Variants in KANK1 observed in about 807,000 individuals in gnomAD.
The protein encoded by KANK1 is KN motif and ankyrin repeat domains 1.
Under a neutral mutation model 106.2 loss-of-function variants are expected in KANK1, and 109 were observed. The ratio of observed to expected loss-of-function variants is 1.03; its 90% CI spans 0.88 to 1.20. The LOEUF is 1.20. KANK1 is among the 50% of genes most tolerant of loss of function. The pLI is 0.00. For synonymous variants in KANK1, 873 were observed against 652.2 expected, an observed-to-expected ratio of 1.34 and a Z score of -5.16; for missense variants, 2,399 against 1,710.7, an observed-to-expected ratio of 1.40 and a Z score of -7.10.
At chr9:734,665 C>T in intron 6 of KANK1, 83 bp from the exon 7 acceptor site, 2 of 916,640 alleles carry the variant, frequency 2.2e-6, no homozygotes, top group Non-Finnish European at 3.3e-6. Flanking sequence ...GACCCTGTCT[C>T]AAAAAAAAAA....
At chr9:655,593 C>G (rs1479493930) in intron 1 of KANK1, among the ~76,000 whole-genome samples, 1 of 152,124 alleles carries the variant, frequency 6.6e-6, no homozygotes, top group East Asian at 1.9e-4. Context: ...TTTTTTAAAT[C>G]AAGTCAGGCA....
At chr9:487,584 T>A (rs1375942527) in intron 3 of KANK1, among the ~76,000 whole-genome samples, 1 of 152,234 alleles carries the variant, frequency 6.6e-6, no homozygotes, top group East Asian at 1.9e-4. Flanking sequence ...TACTTGGGAT[T>A]GACTTGGCTC....
intron 7 of KANK1, among the ~76,000 whole-genome samples, chr9:735,298 G>A (rs562929079): frequency 6.6e-6 from 1 of 152,180 alleles, no homozygotes; most frequent in Non-Finnish European, 1.5e-5. Context: ...GATGTGGAAT[G>A]CAGGCGGCCA....
intron 9 of KANK1, 110 bp from the exon 10 acceptor site, chr9:742,095 T>C (rs1835741974): frequency 1.1e-6 from 1 of 938,810 alleles, no homozygotes. Context: ...TCGCCAGTTC[T>C]TTCCCTTCTG....
chr9:731,192 C>A lies in KANK1; in HGVS notation c.2931C>A (p.Ile977=). The A allele has an allele frequency of 1.2e-6, 2 of 1,611,720 alleles. No homozygotes were observed. Among genetic ancestry groups the A allele is most frequent in the South Asian group, 2.2e-5 (2 of 90,878 alleles). The change falls in exon 5 of 12, where the codon ATC becomes ATA. Residue 977 remains isoleucine, a synonymous_variant. Transcript: ENST00000382297. ...ACAATGAAAGTACACTGAAGTCCAT[C>A]ATGAAGAAGAAAGATGGTAACAAAG... is the stretch of plus-strand genomic sequence containing the variant. ...CTNNESTLKS[I]MKKKDGNKDS... is the part of the protein sequence containing the mutation.
chr9:504,309 G>C (rs980903217), upstream of KANK1, among the ~76,000 whole-genome samples: 1 of 151,734 alleles, frequency 6.6e-6, no homozygotes, highest in Admixed American at 6.6e-5. Flanking sequence ...GGTGGAGGAA[G>C]TTCTTCTGCT....
At chr9:497,100 C>G (rs2058468574) in intron 3 of KANK1, among the ~76,000 whole-genome samples, 1 of 152,014 alleles carries the variant, frequency 6.6e-6, no homozygotes. Context: ...GCAAATGAAC[C>G]AATGTGTCCT....
intron 1 of KANK1, among the ~76,000 whole-genome samples, chr9:655,208 A>G (rs1050591006): frequency 6.6e-6 from 1 of 152,072 alleles, no homozygotes; most frequent in Non-Finnish European, 1.5e-5. Flanking sequence ...CGTCTCTACT[A>G]AAAATACAAG....
intron 6 of KANK1, chr9:734,125 A>AAAAAC (rs1554716919): frequency 2.6e-5 from 4 of 151,146 alleles, no homozygotes; most frequent in African/African-American, 9.8e-5. Flanking sequence ...AAAAAAAAAA[A>AAAAAC]AAAAAAAACT....
intron 1 of KANK1, among the ~76,000 whole-genome samples, chr9:578,570 T>A (rs986676435): frequency 5.9e-5 from 9 of 152,104 alleles, no homozygotes; most frequent in Non-Finnish European, 2.9e-5. Context: ...ATCATCATAG[T>A]TTAGGAGTAT....
chr9:616,817 G>A (rs955065236), intron 1 of KANK1, among the ~76,000 whole-genome samples: 1 of 152,146 alleles, frequency 6.6e-6, no homozygotes, highest in Non-Finnish European at 1.5e-5. Context: ...GCAGAGGAAG[G>A]AAAGAAAGCA....
intron 2 of KANK1, among the ~76,000 whole-genome samples, chr9:700,707 A>C (rs1389162689): frequency 6.6e-6 from 1 of 152,214 alleles, no homozygotes; most frequent in Non-Finnish European, 1.5e-5. Flanking sequence ...GGGGACAATA[A>C]CATTAATGGG....
intron 1 of KANK1, among the ~76,000 whole-genome samples, chr9:550,202 G>A (rs1214017807): frequency 6.7e-6 from 1 of 149,476 alleles, no homozygotes; most frequent in Non-Finnish European, 1.5e-5. Flanking sequence ...CACCCCAACC[G>A]CCTCCCCTCC....
intron 1 of KANK1, among the ~76,000 whole-genome samples, chr9:508,975 G>T (rs1046854463): frequency 6.6e-6 from 1 of 152,184 alleles, no homozygotes; most frequent in African/African-American, 2.4e-5. Flanking sequence ...ACAGTCATGC[G>T]GATTTCTGAA....
At chr9:667,072 A>T (rs1397180546) in intron 1 of KANK1, among the ~76,000 whole-genome samples, 2 of 151,102 alleles carry the variant, frequency 1.3e-5, no homozygotes, top group Non-Finnish European at 2.9e-5. Context: ...AATTAATCAG[A>T]TCCTCGACTT....
At chr9:625,417 C>G (rs931105781) in intron 1 of KANK1, among the ~76,000 whole-genome samples, 1 of 152,106 alleles carries the variant, frequency 6.6e-6, no homozygotes, top group African/African-American at 2.4e-5. Context: ...TTCCAGTTTT[C>G]CAGAAAAATT....
chr9:612,518 AAAACAGTTT>A (rs1311462079), intron 1 of KANK1, among the ~76,000 whole-genome samples: 1 of 152,166 alleles, frequency 6.6e-6, no homozygotes, highest in Non-Finnish European at 1.5e-5. Context: ...GCCTTTTGCT[AAAACAGTTT>A]ATGTTCTGCC....
intron 1 of KANK1, among the ~76,000 whole-genome samples, chr9:654,270 G>C (rs1287872035): frequency 2.6e-5 from 4 of 152,162 alleles, no homozygotes; most frequent in African/African-American, 9.7e-5. Context: ...GCCAGACTTT[G>C]AGAAACAGTG....
chr9:621,355 G>C (rs1833103239), intron 1 of KANK1, among the ~76,000 whole-genome samples: 1 of 152,120 alleles, frequency 6.6e-6, no homozygotes, highest in Non-Finnish European at 1.5e-5. Context: ...TGTGAGCAAA[G>C]TCTTCATATG....
Sources: gnomAD v4.1 joint callset for allele counts (sites outside exome capture counted in the v4.1 genomes callset) on GRCh38, gnomAD v4.1.1 for gene constraint, MANE v1.5 for transcripts, NCBI Gene and HGNC (gene_info 2026-07-23, HGNC 2026-07-21) for gene names.